The following IFT88 variants were observed in gnomAD, a reference collection of about 807,000 sequenced individuals.
The protein encoded by IFT88 is intraflagellar transport protein 88 homolog.
In IFT88, 74 loss-of-function variants were observed where a neutral mutation model predicts 119.5. The observed-to-expected ratio is 0.62, with a 90% CI of 0.51 to 0.75. The LOEUF (loss-of-function observed/expected upper bound fraction) is 0.75, where lower values mean the gene tolerates loss of function less well. Ranked by LOEUF, IFT88 falls within the 30% of genes least tolerant of loss-of-function variation. The probability of loss-of-function intolerance (pLI) is 0.00; values close to 1 mark genes in which losing one functional copy is unlikely to be tolerated. For synonymous variants in IFT88, 279 were observed against 316.7 expected (o/e 0.88, Z 1.26); for missense variants, 961 against 977.7 (o/e 0.98, Z 0.23).
At position 20,665,010 on chromosome 13, in the gene IFT88, C is replaced by T. The variant is rs200407634; in HGVS notation, c.2175+1406C>T. Among the ~76,000 whole-genome samples, 10 of 150,998 alleles carry T rather than the reference C, an allele frequency of 6.6e-5. No individual in the cohort carries two copies. The East Asian group carries it at 9.7e-4, about 15-fold the overall frequency. On this transcript the variant is annotated intron_variant, in intron 23 of 25. Coordinates refer to ENST00000351808, the MANE Select transcript of IFT88 (RefSeq NM_006531.5). Reference sequence around the variant, plus strand: ...AGGAGAATGGCATGAACCTGGGAGGCGGAGCTTGCAGTGAGCTGAGATCCT... The same window carrying T: ...AGGAGAATGGCATGAACCTGGGAGGTGGAGCTTGCAGTGAGCTGAGATCCT...
chr13:20,642,436 T>G (rs1407177750), intron 18 of IFT88: 2 of 152,146 alleles, frequency 1.3e-5, no homozygotes, highest in African/African-American at 4.8e-5. Context: ...AAACCCCATC[T>G]CTACTAAAAA....
intron 14 of IFT88, among the ~76,000 whole-genome samples, chr13:20,623,123 A>G (rs1014950395): frequency 6.6e-6 from 1 of 152,154 alleles, no homozygotes; most frequent in Non-Finnish European, 1.5e-5. Flanking sequence ...ATTTGACTGT[A>G]TATGTGGTGG....
At position 20,582,980 on chromosome 13, in the gene IFT88, T is replaced by G. The variant is rs765932393; in HGVS notation, c.114T>G (p.Phe38Leu). 1.1e-5 allele frequency: 18 copies of G among 1,612,886 alleles called. No individual in the cohort carries two copies. Among genetic ancestry groups the G allele is most frequent in the Non-Finnish European group, 1.5e-5 (18 of 1,179,296 alleles). ...AGGAATTGGAGAATGATGCAGCTTT[T>G]CAGCAAGCTGTGAGGACTAGTCATG... The part of the protein sequence containing the change: ...DIEELENDAA[F>L]QQAVRTSHGR... The change falls in exon 3 of 26, where the codon TTT (phenylalanine) becomes TTG (leucine). Residue 38 changes from phenylalanine (F) to leucine (L), a missense_variant. Transcript: ENST00000351808.
chr13:20,584,626 T>G (rs916718633), intron 3 of IFT88, among the ~76,000 whole-genome samples: 5 of 152,178 alleles, frequency 3.3e-5, no homozygotes, highest in African/African-American at 1.2e-4. Flanking sequence ...TTTTTGTATG[T>G]GTCATACAAA....
intron 14 of IFT88, among the ~76,000 whole-genome samples, chr13:20,621,828 A>G (rs990025408): frequency 6.6e-6 from 1 of 152,116 alleles, no homozygotes; most frequent in Non-Finnish European, 1.5e-5. Flanking sequence ...GATGTCCTGT[A>G]CCCACCATTG....
chr13:20,643,943 G>T (rs1026479799), intron 19 of IFT88, among the ~76,000 whole-genome samples: 2 of 152,038 alleles, frequency 1.3e-5, no homozygotes, highest in African/African-American at 4.8e-5. Flanking sequence ...TAGTAGAGGG[G>T]TGTTTTGCCA....
intron 24 of IFT88, among the ~76,000 whole-genome samples, chr13:20,674,874 C>T (rs948382393): frequency 2.6e-5 from 4 of 151,156 alleles, no homozygotes; most frequent in East Asian, 2.0e-4. Context: ...CCACCACGCC[C>T]GGCTAATTTT....
chr13:20,655,428 C>G (rs1368208861), intron 21 of IFT88, among the ~76,000 whole-genome samples: 1 of 139,644 alleles, frequency 7.2e-6, no homozygotes, highest in Non-Finnish European at 1.5e-5. Context: ...GGTGACAGAA[C>G]AAGACTCCAT....
At chr13:20,618,219 C>T (rs573215203) in intron 14 of IFT88, among the ~76,000 whole-genome samples, 4 of 152,276 alleles carry the variant, frequency 2.6e-5, no homozygotes, top group South Asian at 2.1e-4. Flanking sequence ...TGCGCCTGGC[C>T]GGATCAAAAC....
In IFT88 at chr13:20,656,327, A is replaced by G. The variant is rs375111064; in HGVS notation, c.2003-38A>G. 1.3e-5 allele frequency: 12 copies of G among 903,878 alleles called. 1 individual carries two copies. The highest frequency in any genetic ancestry group is 1.0e-4 in the African/African-American group (6 of 58,634). 56.0% of individuals were successfully genotyped at this position (903,878 alleles called of 1,614,324 possible). On this transcript the variant is annotated intron_variant, in intron 21 of 25. Coordinates refer to ENST00000351808, the MANE Select transcript of IFT88 (RefSeq NM_006531.5). The stretch of plus-strand genomic sequence containing the variant: ...ATTTTTCTGAATCCTGTTAGTTTCT[A>G]TAATTTGCTAATATATTTTTCTCTT...
chr13:20,607,065 C>A (rs1047540592), intron 13 of IFT88, among the ~76,000 whole-genome samples: 1 of 152,196 alleles, frequency 6.6e-6, no homozygotes, highest in South Asian at 2.1e-4. Flanking sequence ...GGCAGGATGG[C>A]GGCGGCTACA....
In IFT88 at chr13:20,597,066, C is replaced by G; in HGVS notation, c.541C>G (p.Gln181Glu). Residue 181 changes from glutamine to glutamate, a missense_variant, in exon 9 of 26, where the codon CAG becomes GAG. Physicochemically the swap from Gln to Glu is conservative, Grantham distance 29 (BLOSUM62 2). Transcript: ENST00000351808. Reference protein sequence around the residue: ...AGRKERVLVRQREQVTTPENI... With the variant: ...AGRKERVLVREREQVTTPENI... The stretch of plus-strand genomic sequence containing the variant: ...AAGAAAAGAGAGAGTCCTGGTGAGA[C>G]AGCGAGAACAAGTTACAACTCCAGA... The G allele has an allele frequency of 6.2e-7, 1 of 1,608,444 alleles. No individual in the cohort carries two copies. Among genetic ancestry groups the G allele is most frequent in the South Asian group, 1.1e-5 (1 of 89,924 alleles).
chr13:20,590,504 A>G (rs1593887806), intron 4 of IFT88, among the ~76,000 whole-genome samples: 1 of 152,196 alleles, frequency 6.6e-6, no homozygotes, highest in African/African-American at 2.4e-5. Flanking sequence ...ATATGAGTGA[A>G]GAAAGTAGCC....
At chr13:20,605,749 C>T (rs1265304034) in intron 13 of IFT88, among the ~76,000 whole-genome samples, 1 of 152,216 alleles carries the variant, frequency 6.6e-6, no homozygotes, top group African/African-American at 2.4e-5. Flanking sequence ...GAATGGAAGG[C>T]TCCCACTACC....
chr13:20,612,814 G>A (rs568256327), intron 13 of IFT88, among the ~76,000 whole-genome samples: 2 of 152,360 alleles, frequency 1.3e-5, no homozygotes, highest in Non-Finnish European at 2.9e-5. Flanking sequence ...TTTATAGCCA[G>A]TGGAGGTGCC....
intron 13 of IFT88, among the ~76,000 whole-genome samples, chr13:20,613,448 G>A (rs767593137): frequency 6.6e-6 from 1 of 152,132 alleles, no homozygotes; most frequent in African/African-American, 2.4e-5. Context: ...ATTGGTAAGA[G>A]TGTGGAGAAA....
At chr13:20,567,880 T>TC in intron 1 of IFT88, 3 of 730,036 alleles carry the variant, frequency 4.1e-6, no homozygotes, top group Non-Finnish European at 6.3e-6. Flanking sequence ...TTTTTTTTTT[T>TC]CGAGAAACTG....
chr13:20,610,619 T>G (rs570338761), intron 13 of IFT88, among the ~76,000 whole-genome samples: 11 of 151,886 alleles, frequency 7.2e-5, no homozygotes, highest in Non-Finnish European at 1.2e-4. Flanking sequence ...CTACATTTCT[T>G]TCAGAACCTA....
Position 20,574,475 on chromosome 13 carries a change from G to A in IFT88, c.90G>A (p.Glu30=). Residue 30 remains glutamate, a splice_region_variant and synonymous_variant, in exon 2 of 26, where the codon GAG becomes GAA. Transcript: ENST00000351808. ...YNDYNPIYDI[E]ELENDAAFQQ... is the part of the protein sequence containing the mutation. Reference sequence around the variant, plus strand: ...ACTACAATCCAATCTATGATATCGAGGTAACAAAAGCTAGTTGTTTTTTAC... The same window carrying A: ...ACTACAATCCAATCTATGATATCGAAGTAACAAAAGCTAGTTGTTTTTTAC... 6.4e-7 allele frequency: 1 copy of A among 1,560,056 alleles called. No individual in the cohort carries two copies. Among genetic ancestry groups the A allele is most frequent in the Non-Finnish European group, 8.8e-7 (1 of 1,135,326 alleles).
Sources: allele counts gnomAD v4.1 joint callset (sites outside exome capture counted in the v4.1 genomes callset), GRCh38; gene constraint gnomAD v4.1.1; transcripts MANE v1.5; gene names NCBI Gene and HGNC (gene_info 2026-07-23, HGNC 2026-07-21).